SPTBN2: variants seen among roughly 807,000 people sequenced by gnomAD.
The protein encoded by SPTBN2 is spectrin beta, non-erythrocytic 2.
SPTBN2 carries 107 observed loss-of-function variants against 284.2 expected under a neutral mutation model. The observed-to-expected ratio is 0.38, with a 90% CI of 0.32 to 0.44. The LOEUF (loss-of-function observed/expected upper bound fraction) is 0.44, where lower values mean the gene tolerates loss of function less well. Among genes scored for constraint, SPTBN2 ranks in the 20% least tolerant of loss-of-function variants. SPTBN2 has a pLI of 1.00. For synonymous variants in SPTBN2, 1,289 were observed against 1,354.8 expected, an observed-to-expected ratio of 0.95 and a Z score of 1.07; for missense variants, 2,569 against 3,287.1, an observed-to-expected ratio of 0.78 and a Z score of 5.34.
At position 66,692,745 on chromosome 11, in the gene SPTBN2, A is replaced by C. The variant is rs1371679359; in HGVS notation, c.4986-5T>G. On this transcript the variant is annotated splice_region_variant and splice_polypyrimidine_tract_variant and intron_variant, in intron 25 of 37. Transcript: ENST00000533211. ...TGGCGGATGGATATCCGAGTGCTGC[A>C]AGAAGAGTGAGGGAGGCACTGTGGG... 37 of 1,600,842 alleles carry C rather than the reference A, an allele frequency of 2.3e-5. No individual in the cohort carries two copies. Among genetic ancestry groups the C allele is most frequent in the Non-Finnish European group, 3.1e-5 (37 of 1,179,938 alleles).
intron 14 of SPTBN2, 96 bp from the exon 15 acceptor site, chr11:66,705,564 T>A (rs1450924740): frequency 6.2e-7 from 1 of 1,603,688 alleles, no homozygotes; most frequent in East Asian, 2.2e-5. Context: ...TGGCTTTAGC[T>A]CAGTCACCAT....
chr11:66,732,982 A>AACC (rs1942824531), upstream of SPTBN2, among the ~76,000 whole-genome samples: 2 of 16,262 alleles, frequency 1.2e-4, no homozygotes, highest in Non-Finnish European at 3.2e-4. Flanking sequence ...CCAACCAACC[A>AACC]AAAAAAAAAA....
chr11:66,684,052 CTG>C lies in SPTBN2; in HGVS notation c.*1817_*1818del, dbSNP rs991821394. On this transcript the variant is annotated 3_prime_UTR_variant, in exon 38 of 38. Coordinates refer to ENST00000533211, the MANE Select transcript of SPTBN2 (RefSeq NM_006946.4). Reference sequence around the variant, plus strand: ...CTGGTCTACCGGTTTGGAGCCCACTCTGGGGCTGTGATGTGCTAGTTCTGGGC... The same window carrying C: ...CTGGTCTACCGGTTTGGAGCCCACTCGGGCTGTGATGTGCTAGTTCTGGGC... 6.6e-6 allele frequency among the ~76,000 whole-genome samples: 1 copy of C among 152,232 alleles called. No individual in the cohort carries two copies. Among genetic ancestry groups the C allele is most frequent in the African/African-American group, 2.4e-5 (1 of 41,438 alleles).
intron 30 of SPTBN2, 43 bp downstream of exon 30, chr11:66,689,052 GC>G: frequency 1.3e-6 from 2 of 1,568,714 alleles, no homozygotes; most frequent in Non-Finnish European, 8.7e-7. Flanking sequence ...GGTGCAGGAT[GC>G]CCCCCACTCC....
At chr11:66,743,402 C>T (rs1022539914) in intron 1 of SPTBN2, among the ~76,000 whole-genome samples, 2 of 152,158 alleles carry the variant, frequency 1.3e-5, no homozygotes, top group Admixed American at 6.5e-5. Flanking sequence ...AGCTCGCCAG[C>T]CTGTTCTGTC....
intron 1 of SPTBN2, among the ~76,000 whole-genome samples, chr11:66,741,348 G>A (rs1372999070): frequency 6.6e-6 from 1 of 152,216 alleles, no homozygotes; most frequent in Non-Finnish European, 1.5e-5. Context: ...ATGTGAAGAA[G>A]TATCTGTTTA....
rs757847042 is a variant in SPTBN2, at chr11:66,705,486, G to A, written c.1808-18C>T. Reference sequence around the variant, plus strand: ...TCTATACTCTGAGAAAGTCACAGGAGAGGGTCAGAGCCTTAACCCAGCCCT... The same window carrying A: ...TCTATACTCTGAGAAAGTCACAGGAAAGGGTCAGAGCCTTAACCCAGCCCT... On this transcript the variant is annotated intron_variant, in intron 14 of 37. Transcript: ENST00000533211. The A allele has an allele frequency of 1.9e-6, 3 of 1,612,860 alleles. No homozygotes were observed. The highest frequency in any genetic ancestry group is 1.1e-5 in the South Asian group (1 of 91,082).
Position 66,683,212 on chromosome 11 carries a change from C to T in SPTBN2, c.*2659G>A, listed in dbSNP as rs367669013. Among the ~76,000 whole-genome samples the T allele has an allele frequency of 8.6e-5, 13 of 151,132 alleles. No homozygotes were observed. Among genetic ancestry groups the T allele is most frequent in the South Asian group, 4.2e-4 (2 of 4,806 alleles). ...CCTCCCAAGTAGCTGGGACTACAGG[C>T]GCCCGCCACTACGCCCGGCTAATTT... On this transcript the variant is annotated 3_prime_UTR_variant, in exon 38 of 38. Transcript: ENST00000533211.
At chr11:66,705,911 C>T (rs1221261410) in intron 13 of SPTBN2, 74 bp from the exon 14 acceptor site, 3 of 1,555,772 alleles carry the variant, frequency 1.9e-6, no homozygotes, top group East Asian at 2.4e-5. Flanking sequence ...TTTCTTCCAA[C>T]TTCTCCACGG....
In SPTBN2 at chr11:66,722,881, A is replaced by AGATT. The variant is rs1235463830; in HGVS notation, c.-113-1445_-113-1442dup. On this transcript the variant is annotated intron_variant, in intron 1 of 37. Transcript: ENST00000533211. Reference sequence around the variant, plus strand: ...GCACTCCAGCCTGCGAGAGAGAGTGAGATTCTGCCTCAAAAAAAAAAAAAA... The same window carrying AGATT: ...GCACTCCAGCCTGCGAGAGAGAGTGAGATTGATTCTGCCTCAAAAAAAAAAAAAA... 2.1e-5 allele frequency among the ~76,000 whole-genome samples: 3 copies of AGATT among 139,892 alleles called. No individual in the cohort carries two copies. In the East Asian group the frequency reaches 6.8e-4, roughly 32 times the overall value. 91.8% of individuals were successfully genotyped at this position (139,892 alleles called of 152,430 possible). A position where few individuals can be genotyped will look rare whatever the true frequency, so the allele number is the denominator to read the frequency against.
chr11:66,690,258 T>C lies in SPTBN2; in HGVS notation c.5591A>G (p.His1864Arg), dbSNP rs780591556. The C allele has an allele frequency of 6.2e-7, 1 of 1,611,216 alleles. No homozygotes were observed. Among genetic ancestry groups the C allele is most frequent in the African/African-American group, 1.3e-5 (1 of 74,898 alleles). Residue 1864 changes from histidine (H) to arginine (R), a missense_variant, in exon 28 of 38, where the codon CAC becomes CGC. By Grantham distance (29) the His-to-Arg change is conservative. Coordinates refer to ENST00000533211, the MANE Select transcript of SPTBN2 (RefSeq NM_006946.4). The stretch of plus-strand genomic sequence containing the variant: ...TCCAGCGTAGGCCTTCTGGAGCCGG[T>C]GGCCGTCGTCCTGCACCTGCTGGAC... Reference protein sequence around the residue: ...PQVQQVQDDGHRLQKAYAGDK... With the variant: ...PQVQQVQDDGRRLQKAYAGDK...
chr11:66,686,508 GC>G, intron 36 of SPTBN2, 68 bp from the exon 37 acceptor site: 1 of 1,570,746 alleles, frequency 6.4e-7, no homozygotes, highest in Non-Finnish European at 8.8e-7. Flanking sequence ...GCTGGTGAGA[GC>G]GTAATCATGA....
chr11:66,695,517 C>T (rs1019822795), intron 21 of SPTBN2, among the ~76,000 whole-genome samples: 1 of 152,158 alleles, frequency 6.6e-6, no homozygotes, highest in Non-Finnish European at 1.5e-5. Flanking sequence ...ACCTCGGCCT[C>T]CCAAAGTGTT....
In SPTBN2 at chr11:66,715,087, C is replaced by A. The variant is rs867191343; in HGVS notation, c.483+135G>T. The A allele has an allele frequency of 9.6e-6, 11 of 1,141,706 alleles. No homozygotes were observed. In the African/African-American group the frequency reaches 1.2e-4, roughly 13 times the overall value. The allele number at this position is 1,141,706 out of a possible 1,614,324, so 70.7% of individuals were successfully genotyped here. A position where few individuals can be genotyped will look rare whatever the true frequency, so the allele number is the denominator to read the frequency against. ...GTCCACTGATCTGGTGCTTGGATAGCGCCGCCATGGCAGCTGCTACATAAG... is the reference window on the plus strand; with the variant it reads ...GTCCACTGATCTGGTGCTTGGATAGAGCCGCCATGGCAGCTGCTACATAAG... On this transcript the variant is annotated intron_variant, in intron 5 of 37. Transcript: ENST00000533211. This position sits in a 1 kb window ranked among gnomAD's most constrained non-coding sequence, Gnocchi z 5.3.
At chr11:66,689,714 AAG>A in intron 29 of SPTBN2, 89 bp downstream of exon 29, 2 of 1,581,642 alleles carry the variant, frequency 1.3e-6, no homozygotes, top group South Asian at 1.1e-5. Flanking sequence ...GTTTCTTGCA[AAG>A]AGAGAATGAG....
In SPTBN2 at chr11:66,707,954, C is replaced by T. The variant is rs1172941111; in HGVS notation, c.1351-136G>A. 4 of 1,383,474 alleles carry T rather than the reference C, an allele frequency of 2.9e-6. No individual in the cohort carries two copies. The highest frequency in any genetic ancestry group is 4.0e-6 in the Non-Finnish European group (4 of 1,012,578). The allele number at this position is 1,383,474 out of a possible 1,614,324, so 85.7% of individuals were successfully genotyped here. ...TCTAAGTTCCCTCTCTATCCCACCC[C>T]CATCCTGTCTCACCAACCCTCTCTC... is the stretch of plus-strand genomic sequence containing the variant. On this transcript the variant is annotated intron_variant, in intron 12 of 37. Coordinates refer to ENST00000533211, the MANE Select transcript of SPTBN2 (RefSeq NM_006946.4). This position sits in a 1 kb window ranked among gnomAD's most constrained non-coding sequence, Gnocchi z 4.9.
rs1195473923 is a variant in SPTBN2, at chr11:66,688,265, T to C, written c.6278A>G (p.Glu2093Gly). The stretch of plus-strand genomic sequence containing the variant: ...GGGAGCAGGCGGCTGTTTCCGCCGC[T>C]CCTCCTCCTCCCTCTTTCTCTTTCG... ...KERKRKREEE[E>G]RRKQPPAPEP... Residue 2093 changes from glutamate (E) to glycine (G), a missense_variant, in exon 32 of 38, where the codon GAG (glutamate) becomes GGG (glycine). Coordinates refer to ENST00000533211, the MANE Select transcript of SPTBN2 (RefSeq NM_006946.4). The C allele has an allele frequency of 6.2e-7, 1 of 1,612,118 alleles. No individual in the cohort carries two copies. Among genetic ancestry groups the C allele is most frequent in the Admixed American group, 1.7e-5 (1 of 59,830 alleles).
chr11:66,689,035 C>T, intron 30 of SPTBN2, 61 bp downstream of exon 30: 1 of 1,547,640 alleles, frequency 6.5e-7, no homozygotes, highest in Non-Finnish European at 8.8e-7. Context: ...TACTCTGGAA[C>T]CCACAGGGTG....
At chr11:66,724,401 T>C (rs1259779121) in intron 1 of SPTBN2, among the ~76,000 whole-genome samples, 1 of 151,942 alleles carries the variant, frequency 6.6e-6, no homozygotes, top group African/African-American at 2.4e-5. Flanking sequence ...CCAGCCTGGA[T>C]GACAGAGTGA....
Sources: allele counts gnomAD v4.1 joint callset (sites outside exome capture counted in the v4.1 genomes callset), GRCh38; gene constraint gnomAD v4.1.1; non-coding constraint Gnocchi (gnomAD v3.1); transcripts MANE v1.5; gene names NCBI Gene and HGNC (gene_info 2026-07-23, HGNC 2026-07-21).